The following CLIC5 variants were observed in gnomAD, a reference collection of about 807,000 sequenced individuals.
CLIC5 encodes chloride intracellular channel protein 5.
In CLIC5, 20 loss-of-function variants were observed where a neutral mutation model predicts 24.7. The ratio of observed to expected loss-of-function variants is 0.81; its 90% CI spans 0.57 to 1.18. CLIC5 has a LOEUF of 1.18. CLIC5 is among the 50% of genes most tolerant of loss of function. The pLI is 0.00. For synonymous variants in CLIC5, 159 were observed against 135.6 expected, an observed-to-expected ratio of 1.17 and a Z score of -1.20; for missense variants, 341 against 326.1, an observed-to-expected ratio of 1.05 and a Z score of -0.35.
chr6:45,995,890 C>T lies in CLIC5; in HGVS notation c.63+19590G>A, dbSNP rs190555879. ...GAAGACCAAATGCCATATGTTCTCA[C>T]GTATAAGTGGGAGCTGAATAATGAG... On this transcript the variant is annotated intron_variant, in intron 1 of 5. Coordinates refer to ENST00000339561, the MANE Select transcript of CLIC5 (RefSeq NM_016929.5). Among the ~76,000 whole-genome samples the T allele has an allele frequency of 1.4e-3, 210 of 151,986 alleles. 5 individuals are homozygous for T. The South Asian group carries it at 0.027, about 19-fold the overall frequency.
intron 2 of CLIC5, among the ~76,000 whole-genome samples, chr6:45,950,599 C>CA (rs1764439494): frequency 6.6e-6 from 1 of 152,088 alleles, no homozygotes; most frequent in South Asian, 2.1e-4. Flanking sequence ...AAAACTCATA[C>CA]ATTTTAAATT....
the CLIC5 span, among the ~76,000 whole-genome samples, chr6:46,128,732 G>GTC: frequency 3.0e-4 from 46 of 152,254 alleles, no homozygotes; most frequent in South Asian, 8.7e-3. Context: ...AGGTTCTAGG[G>GTC]TCTGCAGGTT....
intron 4 of CLIC5, chr6:45,920,239 A>G: frequency 1.0e-6 from 1 of 983,874 alleles, no homozygotes; most frequent in Non-Finnish European, 1.2e-6. Flanking sequence ...TTCTCTGAGT[A>G]GAGGGGCAAC....
At chr6:45,893,725 G>C (rs549997971), downstream of CLIC5, among the ~76,000 whole-genome samples, 7 of 152,254 alleles carry the variant, frequency 4.6e-5, no homozygotes, top group East Asian at 1.4e-3. Context: ...TTCCAAAACT[G>C]TAAGTCAGAG....
intron 5 of CLIC5, 67 bp downstream of exon 5, chr6:45,914,161 C>A (rs1325012829): frequency 7.4e-7 from 1 of 1,356,386 alleles, no homozygotes; most frequent in Non-Finnish European, 9.9e-7. Flanking sequence ...TTGACTCATC[C>A]ACACAGGTGA....
the CLIC5 span, among the ~76,000 whole-genome samples, chr6:46,123,899 C>T: frequency 2.9e-3 from 435 of 152,046 alleles, 1 homozygote; most frequent in African/African-American, 9.8e-3. Flanking sequence ...CTCTTCAAGG[C>T]GAGCTACAAA....
chr6:46,079,105 C>G (rs1013549515), intron 1 of CLIC5, among the ~76,000 whole-genome samples: 1 of 152,146 alleles, frequency 6.6e-6, no homozygotes, highest in Non-Finnish European at 1.5e-5. Context: ...AACTTTATTA[C>G]TTTATCATCT....
chr6:46,015,438 G>T (rs1193415550), intron 1 of CLIC5, 42 bp downstream of exon 1: 7 of 1,476,998 alleles, frequency 4.7e-6, no homozygotes, highest in African/African-American at 1.4e-5. Context: ...GAGCCCGGCG[G>T]GAGGCGCGGC....
the CLIC5 span, among the ~76,000 whole-genome samples, chr6:46,126,365 A>G: frequency 2.8e-4 from 42 of 152,328 alleles, no homozygotes; most frequent in African/African-American, 9.6e-4. Context: ...AATTGAGCAC[A>G]TTGCTCTCCA....
chr6:45,964,511 G>A (rs1221720711), intron 1 of CLIC5, among the ~76,000 whole-genome samples: 4 of 152,188 alleles, frequency 2.6e-5, no homozygotes, highest in Admixed American at 6.5e-5. Flanking sequence ...TTCTGCCTGT[G>A]TCTCTCTCTC....
intron 5 of CLIC5, among the ~76,000 whole-genome samples, chr6:45,904,483 G>A (rs1473010223): frequency 6.6e-6 from 1 of 151,556 alleles, no homozygotes; most frequent in Non-Finnish European, 1.5e-5. Flanking sequence ...TGGGGTCAAT[G>A]TGTGGAAATT....
At chr6:45,889,667 C>T (rs1762332814) in intron 6 of CLIC5, among the ~76,000 whole-genome samples, 1 of 151,996 alleles carries the variant, frequency 6.6e-6, no homozygotes, top group Admixed American at 6.6e-5. Context: ...TGACAATTTC[C>T]AATGTTTACT....
At chr6:45,956,394 G>C (rs1396905191) in intron 1 of CLIC5, among the ~76,000 whole-genome samples, 1 of 152,076 alleles carries the variant, frequency 6.6e-6, no homozygotes, top group African/African-American at 2.4e-5. Flanking sequence ...GGAAGGGCCT[G>C]TGTGGGCCAG....
intron 1 of CLIC5, among the ~76,000 whole-genome samples, chr6:46,029,873 G>A (rs890414383): frequency 2.0e-5 from 3 of 152,170 alleles, no homozygotes; most frequent in African/African-American, 7.2e-5. Context: ...AGCTTCCCCT[G>A]CTCCTGTTAG....
At chr6:46,024,728 T>G (rs188178325) in intron 1 of CLIC5, among the ~76,000 whole-genome samples, 1 of 152,186 alleles carries the variant, frequency 6.6e-6, no homozygotes, top group East Asian at 1.9e-4. Flanking sequence ...TTAGTTAGAA[T>G]CTGTATAGAG....
chr6:46,008,751 G>C (rs930461390), intron 1 of CLIC5, among the ~76,000 whole-genome samples: 6 of 152,152 alleles, frequency 3.9e-5, no homozygotes, highest in Non-Finnish European at 8.8e-5. Flanking sequence ...AATTACAAAA[G>C]AAAGGTCAAA....
chr6:46,060,031 A>G (rs1762204562), intron 1 of CLIC5, among the ~76,000 whole-genome samples: 1 of 152,224 alleles, frequency 6.6e-6, no homozygotes. Flanking sequence ...TCTTCTGCAT[A>G]TGAATATGTA....
intron 4 of CLIC5, among the ~76,000 whole-genome samples, chr6:45,919,224 C>T (rs188094981): frequency 2.4e-3 from 360 of 152,306 alleles, no homozygotes; most frequent in Non-Finnish European, 4.3e-3. Context: ...TGCTCTCCTT[C>T]CTGAGTCAGT....
At chr6:45,983,168 A>T (rs1288743821) in intron 1 of CLIC5, among the ~76,000 whole-genome samples, 1 of 152,234 alleles carries the variant, frequency 6.6e-6, no homozygotes. Flanking sequence ...ACCTCTGCCC[A>T]GGGACTTTTT....
Sources: gnomAD v4.1 joint callset for allele counts (sites outside exome capture counted in the v4.1 genomes callset) on GRCh38, gnomAD v4.1.1 for gene constraint, MANE v1.5 for transcripts, NCBI Gene and HGNC (gene_info 2026-07-23, HGNC 2026-07-21) for gene names.